The following DOCK1 variants were observed in gnomAD, a reference collection of about 807,000 sequenced individuals.
DOCK1 encodes the protein dedicator of cytokinesis protein 1.
A neutral mutation model predicts 262.7 loss-of-function variants in DOCK1; 138 were observed. The observed-to-expected ratio is 0.53, with a 90% CI of 0.46 to 0.61. The LOEUF (loss-of-function observed/expected upper bound fraction) is 0.61. DOCK1 is among the 20% of genes least tolerant of loss of function. The probability of loss-of-function intolerance (pLI) is 0.00; values close to 1 mark genes in which losing one functional copy is unlikely to be tolerated. For missense variants in DOCK1, 1,908 were observed against 2,370.7 expected, an observed-to-expected ratio of 0.80 and a Z score of 4.05; for synonymous variants, 866 against 867.4, an observed-to-expected ratio of 1.00 and a Z score of 0.03.
intron 29 of DOCK1, among the ~76,000 whole-genome samples, chr10:127,258,163 T>C (rs964156524): frequency 2.0e-5 from 3 of 152,204 alleles, no homozygotes; most frequent in African/African-American, 7.2e-5. Flanking sequence ...TATTCATTAG[T>C]GTTTGTGTTG....
intron 27 of DOCK1, among the ~76,000 whole-genome samples, chr10:127,133,912 A>G (rs1277804204): frequency 6.6e-6 from 1 of 152,218 alleles, no homozygotes; most frequent in Admixed American, 6.5e-5. Context: ...TGCTAGTGAT[A>G]GAGTTTCTGT....
At chr10:127,310,094 C>T (rs190319828) in intron 29 of DOCK1, among the ~76,000 whole-genome samples, 32 of 152,218 alleles carry the variant, frequency 2.1e-4, no homozygotes, top group Non-Finnish European at 4.0e-4. Context: ...AGGCTGGTCT[C>T]GAACTCCCAA....
At chr10:127,162,391 A>G (rs1230298648) in intron 27 of DOCK1, among the ~76,000 whole-genome samples, 1 of 152,236 alleles carries the variant, frequency 6.6e-6, no homozygotes, top group African/African-American at 2.4e-5. Context: ...ATCTGATAGC[A>G]TTCTAATGCT....
intron 27 of DOCK1, among the ~76,000 whole-genome samples, chr10:127,199,880 C>G (rs1310659270): frequency 6.6e-6 from 1 of 152,178 alleles, no homozygotes; most frequent in Non-Finnish European, 1.5e-5. Context: ...AACCCTTACC[C>G]CTCAGTGAAC....
rs112462408 is a variant in DOCK1, at chr10:127,022,037, T to A, written c.1328-1163T>A. The stretch of plus-strand genomic sequence containing the variant: ...TGGGAACGAGGCTTCCTCTAAATCA[T>A]GTTACTAATGAAGCTTGTGAAGTTC... On this transcript the variant is annotated intron_variant, in intron 13 of 51. Coordinates refer to ENST00000623213, the MANE Select transcript of DOCK1 (RefSeq NM_001290223.2). Among the ~76,000 whole-genome samples, 1,483 of 152,174 alleles carry A rather than the reference T, an allele frequency of 9.7e-3. 21 individuals carry two copies. Among genetic ancestry groups the A allele is most frequent in the African/African-American group, 0.034 (1,407 of 41,528 alleles).
chr10:127,141,478 G>A (rs752647129), intron 27 of DOCK1, among the ~76,000 whole-genome samples: 8 of 152,066 alleles, frequency 5.3e-5, no homozygotes, highest in East Asian at 1.9e-4. Context: ...CGAGGTGGGC[G>A]GATCACTTGA....
intron 27 of DOCK1, among the ~76,000 whole-genome samples, chr10:127,180,880 G>C (rs868438834): frequency 3.9e-5 from 6 of 152,208 alleles, no homozygotes; most frequent in Admixed American, 3.3e-4. Flanking sequence ...AACGGTCATC[G>C]TTGTGGTATT....
chr10:126,924,629 T>C (rs1275478866), intron 1 of DOCK1, among the ~76,000 whole-genome samples: 1 of 152,216 alleles, frequency 6.6e-6, no homozygotes, highest in Non-Finnish European at 1.5e-5. Context: ...GGATTCTTGC[T>C]TCTTCCACCG....
intron 10 of DOCK1, among the ~76,000 whole-genome samples, chr10:127,001,772 A>T (rs2040611749): frequency 6.6e-6 from 1 of 152,164 alleles, no homozygotes; most frequent in Non-Finnish European, 1.5e-5. Flanking sequence ...TGTTCCAATG[A>T]TTTTACCATT....
At position 127,043,090 on chromosome 10, in the gene DOCK1, T is replaced by C. The variant is rs2044127703; in HGVS notation, c.2127T>C (p.Asp709=). 6.2e-7 allele frequency: 1 copy of C among 1,609,708 alleles called. No individual in the cohort carries two copies. Among genetic ancestry groups the C allele is most frequent in the Non-Finnish European group, 8.5e-7 (1 of 1,177,742 alleles). The change falls in exon 21 of 52, where the codon GAT becomes GAC. Residue 709 remains aspartate, a synonymous_variant. Coordinates refer to ENST00000623213, the MANE Select transcript of DOCK1 (RefSeq NM_001290223.2). ...TATTTATCATTGGACTGATTGCTGA[T>C]AGAAAATTTCAGCATTTTAATCCTG... ...ALVFIIGLIA[D]RKFQHFNPVL...
intron 27 of DOCK1, among the ~76,000 whole-genome samples, chr10:127,234,362 A>G (rs1332272505): frequency 6.6e-6 from 1 of 152,188 alleles, no homozygotes; most frequent in Non-Finnish European, 1.5e-5. Context: ...ATCAAATTCA[A>G]TAGTTTACCC....
chr10:126,931,732 G>A (rs912325172), intron 1 of DOCK1, among the ~76,000 whole-genome samples: 8 of 152,096 alleles, frequency 5.3e-5, no homozygotes, highest in African/African-American at 1.7e-4. Flanking sequence ...AGGCTCTGGC[G>A]GACGGCCTTC....
rs568847181 is a variant in DOCK1, at chr10:127,434,604, C to G, written c.5060+1176C>G. On this transcript the variant is annotated intron_variant, in intron 48 of 51. Coordinates refer to ENST00000623213, the MANE Select transcript of DOCK1 (RefSeq NM_001290223.2). ...CTTTACCTCCCATATTGATTAAACA[C>G]TAACTTTGCATTCTTTCCCCCCACC... Among the ~76,000 whole-genome samples, 77 of 152,158 alleles carry G rather than the reference C, an allele frequency of 5.1e-4. 1 individual carries two copies. The highest frequency in any genetic ancestry group is 1.6e-3 in the African/African-American group (68 of 41,520).
chr10:126,969,417 T>C (rs944746549), intron 1 of DOCK1, among the ~76,000 whole-genome samples: 6 of 152,202 alleles, frequency 3.9e-5, no homozygotes, highest in Admixed American at 1.3e-4. Context: ...CCATTCCTTG[T>C]ACGGCTAAGC....
chr10:127,108,354 G>A (rs1459286403), intron 24 of DOCK1, among the ~76,000 whole-genome samples: 1 of 152,094 alleles, frequency 6.6e-6, no homozygotes, highest in Non-Finnish European at 1.5e-5. Context: ...TTGGGAGGCC[G>A]AGGGGGACAG....
intron 1 of DOCK1, among the ~76,000 whole-genome samples, chr10:126,940,606 G>T (rs1166629100): frequency 6.6e-6 from 1 of 152,090 alleles, no homozygotes; most frequent in Admixed American, 6.6e-5. Context: ...GTTTCACCAT[G>T]TTGGCCAGGC....
At chr10:127,120,392 A>G (rs2049480867) in intron 25 of DOCK1, among the ~76,000 whole-genome samples, 2 of 152,364 alleles carry the variant, frequency 1.3e-5, no homozygotes, top group Admixed American at 1.3e-4. Context: ...GTAATTAAAA[A>G]TATTCTAGTT....
intron 27 of DOCK1, among the ~76,000 whole-genome samples, chr10:127,168,890 C>T (rs539686512): frequency 1.9e-4 from 29 of 152,284 alleles, no homozygotes; most frequent in Admixed American, 7.2e-4. Context: ...CTTATGCTTC[C>T]TCTGTAATTG....
intron 1 of DOCK1, among the ~76,000 whole-genome samples, chr10:126,958,621 A>G (rs2134499415): frequency 6.6e-6 from 1 of 152,178 alleles, no homozygotes; most frequent in East Asian, 1.9e-4. Context: ...TTTTCTCTAG[A>G]AGGCTGAGTC....
Sources: allele counts gnomAD v4.1 joint callset (sites outside exome capture counted in the v4.1 genomes callset), GRCh38; gene constraint gnomAD v4.1.1; transcripts MANE v1.5; gene names NCBI Gene and HGNC (gene_info 2026-07-23, HGNC 2026-07-21).